The following RPAP3 variants were observed in gnomAD, a reference collection of about 807,000 sequenced individuals.
RPAP3 encodes the protein RNA polymerase II associated protein 3.
A neutral mutation model predicts 88.8 loss-of-function variants in RPAP3; 58 were observed. The ratio of observed to expected loss-of-function variants is 0.65; its 90% CI spans 0.53 to 0.81. The LOEUF (loss-of-function observed/expected upper bound fraction) is 0.81, where lower values mean the gene tolerates loss of function less well. RPAP3 is among the 40% of genes least tolerant of loss of function. The pLI is 0.00. For missense variants in RPAP3, 751 were observed against 764.3 expected, an observed-to-expected ratio of 0.98 and a Z score of 0.20; for synonymous variants, 255 against 259.9, an observed-to-expected ratio of 0.98 and a Z score of 0.18.
chr12:47,664,116 G>A (rs989792206), intron 16 of RPAP3, among the ~76,000 whole-genome samples: 13 of 152,320 alleles, frequency 8.5e-5, no homozygotes, highest in Admixed American at 3.9e-4. Context: ...TGGGCCAGGC[G>A]TGGTGGTTCA....
intron 2 of RPAP3, among the ~76,000 whole-genome samples, chr12:47,702,014 T>A (rs955486705): frequency 6.6e-6 from 1 of 152,234 alleles, no homozygotes; most frequent in Non-Finnish European, 1.5e-5. Context: ...AACTTTTGGT[T>A]GAACCTAGGT....
chr12:47,687,668 C>G (rs2136630850), intron 8 of RPAP3, among the ~76,000 whole-genome samples: 1 of 151,996 alleles, frequency 6.6e-6, no homozygotes, highest in South Asian at 2.1e-4. Flanking sequence ...TTAAGTGTTT[C>G]TATAGTTATT....
At chr12:47,677,040 C>T (rs190113964) in intron 12 of RPAP3, among the ~76,000 whole-genome samples, 73 of 152,244 alleles carry the variant, frequency 4.8e-4, no homozygotes, top group Admixed American at 3.3e-3. Flanking sequence ...AAACCTTATC[C>T]ACCACGATCA....
chr12:47,665,884 T>G (rs1285632603), intron 16 of RPAP3, among the ~76,000 whole-genome samples: 1 of 151,980 alleles, frequency 6.6e-6, no homozygotes, highest in African/African-American at 2.4e-5. Flanking sequence ...TGCCTTAACC[T>G]CCCAAAGTGC....
At chr12:47,686,274 A>G (rs1452114665) in intron 9 of RPAP3, among the ~76,000 whole-genome samples, 1 of 152,200 alleles carries the variant, frequency 6.6e-6, no homozygotes, top group Non-Finnish European at 1.5e-5. Context: ...ATATGTTATT[A>G]ATCAGCAGTT....
chr12:47,681,651 G>A lies in RPAP3; in HGVS notation c.1114+45C>T, dbSNP rs758649616. On this transcript the variant is annotated intron_variant, in intron 10 of 16. Coordinates refer to ENST00000005386, the MANE Select transcript of RPAP3 (RefSeq NM_024604.3). ...CATGAATCTCTGCTTCTTTAACTTG[G>A]GCACTCATCAGGATGACTGAGTGCC... is the stretch of plus-strand genomic sequence containing the variant. 6.3e-6 allele frequency: 10 copies of A among 1,586,458 alleles called. No individual in the cohort carries two copies. The South Asian group carries it at 1.1e-4, about 17-fold the overall frequency.
At chr12:47,695,406 C>T (rs1939505672) in intron 5 of RPAP3, among the ~76,000 whole-genome samples, 1 of 151,902 alleles carries the variant, frequency 6.6e-6, no homozygotes, top group South Asian at 2.1e-4. Flanking sequence ...ATATAATAAA[C>T]CTTTTTTAAA....
chr12:47,674,872 A>C (rs913486702), intron 12 of RPAP3, among the ~76,000 whole-genome samples: 1 of 152,220 alleles, frequency 6.6e-6, no homozygotes, highest in Non-Finnish European at 1.5e-5. Flanking sequence ...GCAGGCCAAC[A>C]TTCAAATTCA....
intron 9 of RPAP3, among the ~76,000 whole-genome samples, chr12:47,682,684 A>C (rs1939247873): frequency 6.6e-6 from 1 of 151,828 alleles, no homozygotes; most frequent in Non-Finnish European, 1.5e-5. Context: ...GAATATTAAA[A>C]AAAAAAAAAA....
intron 2 of RPAP3, among the ~76,000 whole-genome samples, chr12:47,702,033 C>A (rs983135744): frequency 6.6e-6 from 1 of 152,142 alleles, no homozygotes; most frequent in East Asian, 1.9e-4. Flanking sequence ...GTACTATCTG[C>A]ATTTTTATGC....
At chr12:47,700,251 T>G (rs922468269) in intron 3 of RPAP3, 1 of 151,898 alleles carries the variant, frequency 6.6e-6, no homozygotes, top group African/African-American at 2.4e-5. Flanking sequence ...AACAGAAAAA[T>G]GCAAAGAAAA....
intron 12 of RPAP3, among the ~76,000 whole-genome samples, chr12:47,676,890 A>T (rs1403076973): frequency 1.3e-5 from 2 of 152,230 alleles, no homozygotes; most frequent in Admixed American, 1.3e-4. Context: ...AACTCATTTT[A>T]TGAGGCCAGC....
Position 47,679,508 on chromosome 12 carries a change from C to G in RPAP3, c.1272G>C (p.Pro424=). The change falls in exon 12 of 17, where the codon CCG becomes CCC. Residue 424 remains proline, a synonymous_variant. Coordinates refer to ENST00000005386, the MANE Select transcript of RPAP3 (RefSeq NM_024604.3). ...QNVVKPIDNP[P]HPGSTKPLKK... is the part of the protein sequence containing the mutation. ...CTTTACTTACAGTTGATCCAGGATG[C>G]GGTGGATTATCAATGGGTTTTACCA... 1 of 1,596,650 alleles carries G rather than the reference C, an allele frequency of 6.3e-7. No homozygotes were observed. Among genetic ancestry groups the G allele is most frequent in the Non-Finnish European group, 8.6e-7 (1 of 1,168,212 alleles).
intron 5 of RPAP3, among the ~76,000 whole-genome samples, chr12:47,692,542 A>T (rs1939448540): frequency 6.6e-6 from 1 of 152,222 alleles, no homozygotes. Context: ...ATTGAAGAGC[A>T]TTAGAGCCTT....
chr12:47,705,177 T>C (rs961247806), intron 1 of RPAP3, among the ~76,000 whole-genome samples: 8 of 152,090 alleles, frequency 5.3e-5, no homozygotes, highest in Middle Eastern at 3.4e-3. Flanking sequence ...GAGTCAAAGC[T>C]TTAGGCGGAG....
Position 47,661,349 on chromosome 12 carries a change from A to C in RPAP3, c.*2156T>G, listed in dbSNP as rs1592463220. 7.3e-6 allele frequency: 1 copy of C among 137,304 alleles called. No homozygotes were observed. The highest frequency in any genetic ancestry group is 2.2e-4 in the East Asian group (1 of 4,564). The allele number at this position is 137,304 out of a possible 1,614,324, so 8.5% of individuals were successfully genotyped here. ...ACTGTTCTTTATTCTAATCACTTTT[A>C]GGAAATGTTGGTAATTGTAATAATA... On this transcript the variant is annotated 3_prime_UTR_variant, in exon 17 of 17. Transcript: ENST00000005386.
chr12:47,686,969 C>G, intron 8 of RPAP3, 62 bp from the exon 9 acceptor site: 1 of 1,046,778 alleles, frequency 9.6e-7, no homozygotes, highest in Non-Finnish European at 1.4e-6. Context: ...TAAATGAATT[C>G]AAATCTTATG....
At chr12:47,703,305 A>T (rs1380441258) in intron 1 of RPAP3, among the ~76,000 whole-genome samples, 1 of 152,204 alleles carries the variant, frequency 6.6e-6, no homozygotes, top group African/African-American at 2.4e-5. Flanking sequence ...TAGTAACAAA[A>T]TATGTTAAGC....
At position 47,672,925 on chromosome 12, in the gene RPAP3, T is replaced by A. The variant is rs190727835; in HGVS notation, c.1288-2580A>T. Among the ~76,000 whole-genome samples the A allele has an allele frequency of 4.7e-4, 72 of 152,340 alleles. 1 individual carries two copies. The highest frequency in any genetic ancestry group is 1.5e-3 in the Admixed American group (23 of 15,304). ...TACACATATCACGTGGCAATGTCTT[T>A]ATAATTATGGACAGTGACGTCTAAC... On this transcript the variant is annotated intron_variant, in intron 12 of 16. Coordinates refer to ENST00000005386, the MANE Select transcript of RPAP3 (RefSeq NM_024604.3).
Sources: allele counts gnomAD v4.1 joint callset (sites outside exome capture counted in the v4.1 genomes callset), GRCh38; gene constraint gnomAD v4.1.1; transcripts MANE v1.5; gene names NCBI Gene and HGNC (gene_info 2026-07-23, HGNC 2026-07-21).